AGAP3: variants seen among roughly 807,000 people sequenced by gnomAD.
AGAP3 encodes ArfGAP with GTPase domain, ankyrin repeat and PH domain 3.
AGAP3 carries 24 observed loss-of-function variants against 96.9 expected under a neutral mutation model. That is an observed-to-expected ratio of 0.25 (90% CI 0.18 to 0.35). The LOEUF is 0.35. Among genes scored for constraint, AGAP3 ranks in the 10% least tolerant of loss-of-function variants. The pLI, the probability that AGAP3 is intolerant of heterozygous loss-of-function variation, is 1.00. For synonymous variants in AGAP3, 563 were observed against 536.1 expected, an observed-to-expected ratio of 1.05 and a Z score of -0.69; for missense variants, 876 against 1,254.2, an observed-to-expected ratio of 0.70 and a Z score of 4.55.
chr7:151,136,310 T>G (rs913960140), intron 11 of AGAP3: 1 of 152,202 alleles, frequency 6.6e-6, no homozygotes, highest in African/African-American at 2.4e-5. Flanking sequence ...GTCCCTGACA[T>G]CCCTCACCTG....
intron 1 of AGAP3, among the ~76,000 whole-genome samples, chr7:151,089,189 G>A (rs1288200278): frequency 1.3e-5 from 2 of 152,098 alleles, no homozygotes; most frequent in African/African-American, 4.8e-5. Context: ...TCCTTCTCCA[G>A]TTTCTGCCCT....
chr7:151,088,327 A>C (rs924622432), intron 1 of AGAP3, among the ~76,000 whole-genome samples: 3 of 152,104 alleles, frequency 2.0e-5, no homozygotes, highest in East Asian at 3.9e-4. Flanking sequence ...ACCCGTTCTT[A>C]TTTCTTTCCT....
In AGAP3 at chr7:151,128,767, T is replaced by C. The variant is rs1800285642; in HGVS notation, c.1326+83T>C. 4 of 1,208,042 alleles carry C rather than the reference T, an allele frequency of 3.3e-6. No homozygotes were observed. The Admixed American group carries it at 7.3e-5, about 22-fold the overall frequency. 74.8% of individuals were successfully genotyped at this position (1,208,042 alleles called of 1,614,324 possible). A position where few individuals can be genotyped will look rare whatever the true frequency, so the allele number is the denominator to read the frequency against. On this transcript the variant is annotated intron_variant, in intron 10 of 17. Coordinates refer to ENST00000397238, the MANE Select transcript of AGAP3 (RefSeq NM_031946.7). ...AACAGAATGCGGGTAGCAGACAGGCTCCAGGATGGACGGGAAGCAGACCTT... is the reference window on the plus strand; with the variant it reads ...AACAGAATGCGGGTAGCAGACAGGCCCCAGGATGGACGGGAAGCAGACCTT...
chr7:151,116,891 G>A, intron 2 of AGAP3, 40 bp downstream of exon 2: 6 of 1,551,466 alleles, frequency 3.9e-6, no homozygotes, highest in South Asian at 1.1e-5. Flanking sequence ...GCCTGGAGCT[G>A]GGGGGGCGAG....
rs1228355386 is a variant in AGAP3 at position 151,141,713 on chromosome 7, T to G, written c.1805-185T>G. The G allele has an allele frequency of 4.6e-6, 3 of 653,186 alleles. No individual in the cohort carries two copies. The African/African-American group carries it at 5.4e-5, about 12-fold the overall frequency. The allele number at this position is 653,186 out of a possible 1,614,324, so 40.5% of individuals were successfully genotyped here. A position where few individuals can be genotyped will look rare whatever the true frequency, so the allele number is the denominator to read the frequency against. On this transcript the variant is annotated intron_variant, in intron 13 of 17. Coordinates refer to ENST00000397238, the MANE Select transcript of AGAP3 (RefSeq NM_031946.7). The surrounding 1 kb of genome is among the most constrained non-coding windows in gnomAD (Gnocchi z 4.2). ...AATGAGAACTGGGAGCTCACACTAG[T>G]CTTGCAGGTTTACTCTGGCCTCCCC... is the stretch of plus-strand genomic sequence containing the variant.
chr7:151,119,750 G>C (rs1799779774), intron 7 of AGAP3, among the ~76,000 whole-genome samples: 1 of 152,142 alleles, frequency 6.6e-6, no homozygotes. Flanking sequence ...CTCCTGCCGG[G>C]GCCCCAGGAC....
intron 9 of AGAP3, among the ~76,000 whole-genome samples, chr7:151,125,250 C>T (rs574094901): frequency 3.8e-4 from 58 of 152,300 alleles, no homozygotes; most frequent in African/African-American, 1.2e-3. Flanking sequence ...GAATTCACTA[C>T]GAAAATGGGA....
chr7:151,135,274 G>T (rs1229309934), intron 11 of AGAP3, among the ~76,000 whole-genome samples: 1 of 152,182 alleles, frequency 6.6e-6, no homozygotes, highest in Non-Finnish European at 1.5e-5. Context: ...TATCCCCAGT[G>T]TTGTCCTAGA....
At chr7:151,123,685 G>A in intron 8 of AGAP3, 109 bp from the exon 9 acceptor site, 1 of 1,577,472 alleles carries the variant, frequency 6.3e-7, no homozygotes, top group Admixed American at 1.7e-5. Flanking sequence ...CCGACCCACT[G>A]CTAGGGCTGC....
intron 1 of AGAP3, among the ~76,000 whole-genome samples, chr7:151,091,246 C>T (rs1047941126): frequency 2.6e-5 from 4 of 152,266 alleles, no homozygotes; most frequent in Non-Finnish European, 4.4e-5. Context: ...GGATGGGTGC[C>T]GGGGACATGC....
intron 1 of AGAP3, among the ~76,000 whole-genome samples, chr7:151,111,478 G>A (rs1306541689): frequency 1.3e-5 from 2 of 152,284 alleles, no homozygotes; most frequent in African/African-American, 2.4e-5. Context: ...ACCTGGAGGC[G>A]ACCAGTTCCC....
At position 151,114,833 on chromosome 7, in the gene AGAP3, C is replaced by T; in HGVS notation, c.332-1960C>T. 9.5e-7 allele frequency: 1 copy of T among 1,055,170 alleles called. No individual in the cohort carries two copies. Among genetic ancestry groups the T allele is most frequent in the Non-Finnish European group, 1.1e-6 (1 of 876,022 alleles). 65.4% of individuals were successfully genotyped at this position (1,055,170 alleles called of 1,614,324 possible). A position where few individuals can be genotyped will look rare whatever the true frequency, so the allele number is the denominator to read the frequency against. On this transcript the variant is annotated intron_variant, in intron 1 of 17. Transcript: ENST00000397238. The surrounding 1 kb of genome is among the most constrained non-coding windows in gnomAD (Gnocchi z 4.4). ...GGGAGCGGCCCGCCGCTTGCCGCCG[C>T]GCCCACAGCGTCTGCGACTCGCTGG...
chr7:151,103,536 T>C (rs1050186347), intron 1 of AGAP3, among the ~76,000 whole-genome samples: 2 of 152,178 alleles, frequency 1.3e-5, no homozygotes, highest in African/African-American at 4.8e-5. Flanking sequence ...TCTCTGTCAC[T>C]GCCTCATGCT....
In AGAP3 at chr7:151,118,466, C is replaced by T. The variant is rs199772282; in HGVS notation, c.842-39C>T. ...AGGTGCTAAGCCAGGCTTTTCCCTT[C>T]TCTCCAGTGGGTATAATTGACTCTG... On this transcript the variant is annotated intron_variant, in intron 6 of 17. Transcript: ENST00000397238. The surrounding 1 kb of genome is among the most constrained non-coding windows in gnomAD (Gnocchi z 6.1). 15 of 1,607,724 alleles carry T rather than the reference C, an allele frequency of 9.3e-6. No individual in the cohort carries two copies. In the African/African-American group the frequency reaches 1.1e-4, roughly 11 times the overall value.
chr7:151,130,595 G>A (rs191851083), intron 10 of AGAP3, among the ~76,000 whole-genome samples: 4 of 152,200 alleles, frequency 2.6e-5, no homozygotes, highest in African/African-American at 9.6e-5. Flanking sequence ...CCCCAGGAGT[G>A]CCCCTCCATG....
intron 1 of AGAP3, among the ~76,000 whole-genome samples, chr7:151,097,880 A>G (rs1271195566): frequency 2.0e-5 from 3 of 152,166 alleles, no homozygotes; most frequent in Non-Finnish European, 4.4e-5. Context: ...CATGAAATCT[A>G]TTAATATATA....
chr7:151,115,706 C>T, intron 1 of AGAP3: 1 of 1,014,958 alleles, frequency 9.9e-7, no homozygotes, highest in Non-Finnish European at 1.2e-6. Context: ...CCGGACGCGC[C>T]CAGGGCAGGC....
intron 1 of AGAP3, among the ~76,000 whole-genome samples, chr7:151,099,889 G>A (rs1585044737): frequency 6.6e-6 from 1 of 152,192 alleles, no homozygotes; most frequent in South Asian, 2.1e-4. Context: ...AAACACACAC[G>A]GACTCTTGGA....
At chr7:151,127,795 A>G (rs1018417000) in intron 9 of AGAP3, among the ~76,000 whole-genome samples, 7 of 152,150 alleles carry the variant, frequency 4.6e-5, no homozygotes, top group Non-Finnish European at 1.0e-4. Flanking sequence ...GTCTCCTTCT[A>G]TCTTCCTAGT....
Sources: allele counts gnomAD v4.1 joint callset (sites outside exome capture counted in the v4.1 genomes callset), GRCh38; gene constraint gnomAD v4.1.1; non-coding constraint Gnocchi (gnomAD v3.1); transcripts MANE v1.5; gene names NCBI Gene and HGNC (gene_info 2026-07-23, HGNC 2026-07-21).